Variants in IFT81 observed in about 807,000 individuals in gnomAD.
IFT81 encodes the protein intraflagellar transport protein 81 homolog.
IFT81 carries 72 observed loss-of-function variants against 102.6 expected under a neutral mutation model. The observed-to-expected ratio is 0.70, with a 90% CI of 0.58 to 0.85. The LOEUF (loss-of-function observed/expected upper bound fraction) is 0.85. Among genes scored for constraint, IFT81 ranks in the 40% least tolerant of loss-of-function variants. The pLI is 0.00. For synonymous variants in IFT81, 237 were observed against 242.7 expected (o/e 0.98, Z 0.22); for missense variants, 723 against 787.3 (o/e 0.92, Z 0.98).
chr12:110,197,706 G>A (rs1037713037), intron 14 of IFT81, among the ~76,000 whole-genome samples: 34 of 151,306 alleles, frequency 2.2e-4, no homozygotes, highest in South Asian at 2.1e-3. Flanking sequence ...TTATTTATTT[G>A]TTTGTTTTGT....
intron 12 of IFT81, among the ~76,000 whole-genome samples, chr12:110,184,496 C>T (rs998220815): frequency 5.3e-5 from 8 of 152,128 alleles, no homozygotes; most frequent in Non-Finnish European, 1.2e-4. Flanking sequence ...AACATTACAC[C>T]GTCTAGTGCA....
intron 14 of IFT81, among the ~76,000 whole-genome samples, chr12:110,201,639 G>T (rs368133992): frequency 6.6e-6 from 1 of 151,868 alleles, no homozygotes; most frequent in East Asian, 1.9e-4. Flanking sequence ...TAGAGGTGGG[G>T]TCTTGTTATG....
Position 110,218,035 on chromosome 12 carries a change from TA to T in IFT81, c.1849-7del. 1 of 1,575,478 alleles carries T rather than the reference TA, an allele frequency of 6.3e-7. No individual in the cohort carries two copies. The highest frequency in any genetic ancestry group is 8.6e-7 in the Non-Finnish European group (1 of 1,158,246). On this transcript the variant is annotated splice_region_variant and splice_polypyrimidine_tract_variant and intron_variant, in intron 18 of 18. Transcript: ENST00000242591. ...AGATTTAATTATTCTTGTTTTTTTT[TA>T]ATGATAGAAACTTCGGGAAAAACAA...
At chr12:110,137,782 C>T (rs896158561) in intron 8 of IFT81, among the ~76,000 whole-genome samples, 1 of 151,902 alleles carries the variant, frequency 6.6e-6, no homozygotes, top group Non-Finnish European at 1.5e-5. Context: ...TTAGCATGGA[C>T]GTTGTGAAAA....
intron 17 of IFT81, among the ~76,000 whole-genome samples, chr12:110,205,943 C>T (rs1254839071): frequency 6.6e-6 from 1 of 152,144 alleles, no homozygotes; most frequent in African/African-American, 2.4e-5. Flanking sequence ...GTGTACAGTT[C>T]ATTGGCATTG....
chr12:110,187,882 GC>G (rs1248940716), intron 12 of IFT81, among the ~76,000 whole-genome samples: 3 of 152,106 alleles, frequency 2.0e-5, no homozygotes, highest in African/African-American at 7.2e-5. Flanking sequence ...AGGTCTTACT[GC>G]TAGGTTATAG....
At chr12:110,136,636 A>T (rs547288115) in intron 7 of IFT81, 140 bp from the exon 8 acceptor site, 12 of 427,598 alleles carry the variant, frequency 2.8e-5, no homozygotes, top group Non-Finnish European at 5.1e-5. Flanking sequence ...TGGGTTTAAT[A>T]TGGGAATTTT....
chr12:110,179,224 A>G (rs1593342132), intron 11 of IFT81, among the ~76,000 whole-genome samples: 2 of 152,156 alleles, frequency 1.3e-5, no homozygotes, highest in Admixed American at 1.3e-4. Flanking sequence ...CCGGTTGGCT[A>G]TATTAGTCCC....
intron 13 of IFT81, 142 bp from the exon 14 acceptor site, chr12:110,192,475 G>T: frequency 3.9e-6 from 2 of 510,422 alleles, no homozygotes; most frequent in East Asian, 3.3e-5. Flanking sequence ...ATTTTCTAAA[G>T]CACTTCTCTG....
chr12:110,209,626 A>G (rs775935572), intron 18 of IFT81, among the ~76,000 whole-genome samples: 1 of 151,980 alleles, frequency 6.6e-6, no homozygotes, highest in Non-Finnish European at 1.5e-5. Flanking sequence ...AAAATTAGCC[A>G]GGCGTGGTGG....
chr12:110,212,283 C>T (rs964856890), intron 18 of IFT81, among the ~76,000 whole-genome samples: 8 of 150,706 alleles, frequency 5.3e-5, no homozygotes, highest in South Asian at 2.1e-4. Context: ...CAGTGGCTCA[C>T]GACTATAACC....
intron 11 of IFT81, among the ~76,000 whole-genome samples, chr12:110,172,916 G>GA (rs1843691733): frequency 6.6e-6 from 1 of 150,476 alleles, no homozygotes; most frequent in South Asian, 2.1e-4. Context: ...GTCTCCGCCC[G>GA]GCAGCCGCCC....
At chr12:110,197,517 A>G (rs556394021) in intron 14 of IFT81, among the ~76,000 whole-genome samples, 12 of 82,904 alleles carry the variant, frequency 1.4e-4, no homozygotes, top group Non-Finnish European at 3.1e-4. Context: ...CTGTTTTTTT[A>G]TCTTCTATTC....
At chr12:110,211,729 A>C (rs994233494) in intron 18 of IFT81, among the ~76,000 whole-genome samples, 1 of 151,530 alleles carries the variant, frequency 6.6e-6, no homozygotes, top group Admixed American at 6.6e-5. Flanking sequence ...CTGGTCTCAA[A>C]CTCCTGAGCC....
At position 110,132,415 on chromosome 12, in the gene IFT81, G is replaced by A. The variant is rs189904094; in HGVS notation, c.430-132G>A. On this transcript the variant is annotated intron_variant, in intron 4 of 18. Transcript: ENST00000242591. ...GCGGAAGTTGTAGTGAGCCGAGATC[G>A]TGCCACTGCACTCCAGGCTGGGCGA... The A allele has an allele frequency of 1.2e-3, 505 of 419,378 alleles. 13 individuals are homozygous for A. In the East Asian group the frequency reaches 0.014, roughly 12 times the overall value. The allele number at this position is 419,378 out of a possible 1,614,324, so 26.0% of individuals were successfully genotyped here. A position where few individuals can be genotyped will look rare whatever the true frequency, so the allele number is the denominator to read the frequency against.
intron 10 of IFT81, among the ~76,000 whole-genome samples, chr12:110,147,370 T>C (rs1356480606): frequency 1.3e-5 from 2 of 152,194 alleles, no homozygotes; most frequent in Admixed American, 6.5e-5. Context: ...AATAAAAATA[T>C]TTATAATTTT....
At chr12:110,130,589 C>T (rs539273771) in intron 4 of IFT81, among the ~76,000 whole-genome samples, 2 of 151,862 alleles carry the variant, frequency 1.3e-5, no homozygotes, top group Non-Finnish European at 2.9e-5. Flanking sequence ...AGGCTGGTCT[C>T]GAACCCCTGA....
intron 11 of IFT81, 24 bp downstream of exon 11, chr12:110,163,089 C>T: frequency 6.2e-7 from 1 of 1,603,334 alleles, no homozygotes; most frequent in Non-Finnish European, 8.5e-7. Context: ...TCTCATGGGA[C>T]AAGGGTATGA....
rs75333089 is a variant in IFT81, at chr12:110,178,414, C to CA, written c.1189-1992dup. 6.3e-3 allele frequency among the ~76,000 whole-genome samples: 362 copies of CA among 57,630 alleles called. 1 individual carries two copies. Among genetic ancestry groups the CA allele is most frequent in the African/African-American group, 0.013 (183 of 14,368 alleles). The allele number at this position is 57,630 out of a possible 152,430, so 37.8% of individuals were successfully genotyped here. On this transcript the variant is annotated intron_variant, in intron 11 of 18. Transcript: ENST00000242591. ...TAGAGACAAGAGCAAGACTCCATCTCAAAAAAAAAAAAAAAAGAAAGAAAG... is the reference window on the plus strand; with the variant it reads ...TAGAGACAAGAGCAAGACTCCATCTCAAAAAAAAAAAAAAAAAGAAAGAAAG...
Sources: allele counts gnomAD v4.1 joint callset (sites outside exome capture counted in the v4.1 genomes callset), GRCh38; gene constraint gnomAD v4.1.1; transcripts MANE v1.5; gene names NCBI Gene and HGNC (gene_info 2026-07-23, HGNC 2026-07-21).